ZNF486: variants seen among roughly 807,000 people sequenced by gnomAD.
The protein encoded by ZNF486 is KRAB box only protein 2.
Under a neutral mutation model 12.8 loss-of-function variants are expected in ZNF486, and 12 were observed. The observed-to-expected ratio is 0.94, with a 90% confidence interval of 0.60 to 1.52. The LOEUF is 1.52. Among genes scored for constraint, ZNF486 ranks in the 40% most tolerant of loss-of-function variants. The probability of loss-of-function intolerance (pLI) is 0.00; values close to 1 mark genes in which losing one functional copy is unlikely to be tolerated. For synonymous variants in ZNF486, 231 were observed against 184.9 expected, an observed-to-expected ratio of 1.25 and a Z score of -2.02; for missense variants, 738 against 545.0, an observed-to-expected ratio of 1.35 and a Z score of -3.53.
chr19:20,169,271 C>T (rs1160697787), intron 1 of ZNF486, among the ~76,000 whole-genome samples: 1 of 152,216 alleles, frequency 6.6e-6, no homozygotes, highest in African/African-American at 2.4e-5. Context: ...CGCGCCGTCA[C>T]GCCCGGCTAA....
At chr19:20,188,035 A>G (rs836899) in intron 3 of ZNF486, among the ~76,000 whole-genome samples, 56,354 of 151,882 alleles carry the variant, frequency 0.37, 14,552 homozygotes, top group African/African-American at 0.72. Context: ...CCGTAGTTAA[A>G]ACACTAGGGT....
At chr19:20,179,249 CATA>C (rs2089757973) in intron 1 of ZNF486, among the ~76,000 whole-genome samples, 1 of 149,816 alleles carries the variant, frequency 6.7e-6, no homozygotes, top group African/African-American at 2.4e-5. Context: ...TGCCCTAAAA[CATA>C]ATGATAGATA....
intron 3 of ZNF486, among the ~76,000 whole-genome samples, chr19:20,191,267 C>T (rs993496940): frequency 3.3e-5 from 5 of 151,624 alleles, no homozygotes; most frequent in Non-Finnish European, 5.9e-5. Context: ...GTCAGGAGAT[C>T]GAGACCATCC....
intron 1 of ZNF486, among the ~76,000 whole-genome samples, chr19:20,178,198 G>C (rs553202055): frequency 6.6e-6 from 1 of 152,042 alleles, no homozygotes; most frequent in African/African-American, 2.4e-5. Context: ...AAAGTCCTGG[G>C]ATTATAGACA....
chr19:20,172,599 T>G (rs971548281), intron 1 of ZNF486, among the ~76,000 whole-genome samples: 23 of 150,570 alleles, frequency 1.5e-4, no homozygotes, highest in Non-Finnish European at 3.3e-4. Flanking sequence ...ATGCCCGGCC[T>G]GCCTACTTTT....
At chr19:20,176,108 A>G (rs1295460406) in intron 1 of ZNF486, 2 of 180,458 alleles carry the variant, frequency 1.1e-5, no homozygotes, top group East Asian at 1.9e-4. Flanking sequence ...CACCTCTCAG[A>G]TGGGGCGGCC....
chr19:20,186,052 A>G lies in ZNF486; in HGVS notation c.223A>G (p.Lys75Glu). 6.3e-7 allele frequency: 1 copy of G among 1,594,952 alleles called. No homozygotes were observed. The highest frequency in any genetic ancestry group is 1.1e-5 in the South Asian group (1 of 87,650). Residue 75 changes from lysine (K) to glutamate (E), a missense_variant, in exon 3 of 4, where the codon AAG becomes GAG. Lys to Glu is a moderately conservative substitution (Grantham distance 56, BLOSUM62 1). Coordinates refer to ENST00000335117, the MANE Select transcript of ZNF486 (RefSeq NM_052852.4). Reference protein sequence around the residue: ...LEQGIKPLTMKRHEMIAKPPV... With the variant: ...LEQGIKPLTMERHEMIAKPPV... ...GCAAGGAATAAAACCTCTGACTATG[A>G]AGAGACATGAGATGATTGCCAAACC...
intron 1 of ZNF486, among the ~76,000 whole-genome samples, chr19:20,169,879 G>A (rs1425087575): frequency 6.7e-6 from 1 of 149,968 alleles, no homozygotes. Context: ...ACATAAGATG[G>A]GGTTGTATGT....
At chr19:20,177,519 T>C (rs1349631456) in intron 1 of ZNF486, among the ~76,000 whole-genome samples, 2 of 152,264 alleles carry the variant, frequency 1.3e-5, no homozygotes, top group Admixed American at 1.3e-4. Context: ...TTTCTGTCAT[T>C]GCAGTCTCTT....
intron 3 of ZNF486, among the ~76,000 whole-genome samples, chr19:20,190,281 A>T (rs188652534): frequency 7.4e-4 from 113 of 152,320 alleles, no homozygotes; most frequent in Non-Finnish European, 1.2e-3. Flanking sequence ...AGAGTGTTTT[A>T]TATTCACATA....
intron 3 of ZNF486, among the ~76,000 whole-genome samples, chr19:20,189,043 G>C (rs2089877334): frequency 6.6e-6 from 1 of 152,094 alleles, no homozygotes; most frequent in Admixed American, 6.6e-5. Context: ...CAATAAACAT[G>C]GATTTTCAAA....
intron 3 of ZNF486, among the ~76,000 whole-genome samples, chr19:20,189,488 A>T (rs1439558100): frequency 2.6e-5 from 4 of 152,220 alleles, no homozygotes; most frequent in African/African-American, 9.6e-5. Context: ...TTATTGCAAC[A>T]TCAACAGATT....
intron 1 of ZNF486, among the ~76,000 whole-genome samples, chr19:20,174,605 T>C (rs1408573424): frequency 6.6e-6 from 1 of 152,148 alleles, no homozygotes; most frequent in Non-Finnish European, 1.5e-5. Context: ...GCCAGTTTGA[T>C]CTTGAACTTT....
intron 1 of ZNF486, among the ~76,000 whole-genome samples, chr19:20,170,628 T>A (rs559972330): frequency 3.3e-5 from 5 of 151,128 alleles, no homozygotes; most frequent in Admixed American, 6.6e-5. Context: ...ATTTTTCTAA[T>A]GAGAAAAAGG....
chr19:20,178,469 C>A (rs1260093207), intron 1 of ZNF486, among the ~76,000 whole-genome samples: 1 of 151,860 alleles, frequency 6.6e-6, no homozygotes, highest in Admixed American at 6.6e-5. Flanking sequence ...GTCTCGATCT[C>A]CTGACCTCAT....
At chr19:20,170,471 G>T (rs920178641) in intron 1 of ZNF486, among the ~76,000 whole-genome samples, 1 of 151,928 alleles carries the variant, frequency 6.6e-6, no homozygotes, top group Non-Finnish European at 1.5e-5. Context: ...GGAGGCTGAG[G>T]CAGGAGAATT....
chr19:20,196,402 T>TAAA (rs2089958737), intron 3 of ZNF486, among the ~76,000 whole-genome samples: 1 of 152,216 alleles, frequency 6.6e-6, no homozygotes, highest in Non-Finnish European at 1.5e-5. Flanking sequence ...AATCTTGGCT[T>TAAA]ACTGCAACCT....
At chr19:20,193,645 A>C (rs966993044) in intron 3 of ZNF486, among the ~76,000 whole-genome samples, 1 of 152,082 alleles carries the variant, frequency 6.6e-6, no homozygotes. Context: ...TGGACAACAG[A>C]GCGAAACTCC....
chr19:20,169,945 C>T (rs1555713646), intron 1 of ZNF486, among the ~76,000 whole-genome samples: 1 of 141,128 alleles, frequency 7.1e-6, no homozygotes, highest in African/African-American at 2.8e-5. Flanking sequence ...GGCTGGAGTG[C>T]AGTGGCGCGA....
Sources: gnomAD v4.1 joint callset for allele counts (sites outside exome capture counted in the v4.1 genomes callset) on GRCh38, gnomAD v4.1.1 for gene constraint, MANE v1.5 for transcripts, NCBI Gene and HGNC (gene_info 2026-07-23, HGNC 2026-07-21) for gene names.